Variants in FMN2 observed in about 807,000 individuals in gnomAD.
FMN2 encodes the protein formin 2, also known as formin-2.
In FMN2, 51 loss-of-function variants were observed where a neutral mutation model predicts 142.3. That is an observed-to-expected ratio of 0.36 (90% CI 0.29 to 0.45). The LOEUF (loss-of-function observed/expected upper bound fraction) is 0.45. Among genes scored for constraint, FMN2 ranks in the 20% least tolerant of loss-of-function variants. The probability of loss-of-function intolerance (pLI) is 1.00; values close to 1 mark genes in which losing one functional copy is unlikely to be tolerated. For synonymous variants in FMN2, 882 were observed against 869.8 expected, an observed-to-expected ratio of 1.01 and a Z score of -0.25; for missense variants, 1,936 against 2,122.8, an observed-to-expected ratio of 0.91 and a Z score of 1.73.
At chr1:240,365,337 G>A (rs1329288089) in intron 14 of FMN2, among the ~76,000 whole-genome samples, 2 of 151,534 alleles carry the variant, frequency 1.3e-5, no homozygotes, top group African/African-American at 2.4e-5. Flanking sequence ...ACACACATTT[G>A]TATTTATATA....
intron 6 of FMN2, among the ~76,000 whole-genome samples, chr1:240,216,936 G>A (rs912163116): frequency 3.4e-5 from 5 of 147,710 alleles, no homozygotes; most frequent in African/African-American, 1.2e-4. Context: ...GCAACAGAGC[G>A]AGACTCCGTC....
chr1:240,231,791 T>C (rs1375066150), intron 6 of FMN2, among the ~76,000 whole-genome samples: 1 of 152,230 alleles, frequency 6.6e-6, no homozygotes, highest in East Asian at 1.9e-4. Flanking sequence ...ATAAATGTCT[T>C]CAAGCACTAG....
intron 8 of FMN2, among the ~76,000 whole-genome samples, chr1:240,303,947 C>T (rs1256613043): frequency 6.6e-6 from 1 of 152,006 alleles, no homozygotes; most frequent in Non-Finnish European, 1.5e-5. Flanking sequence ...TCTTTAAATT[C>T]TCTTTGTGCA....
At chr1:240,260,636 G>A (rs769180047) in intron 7 of FMN2, among the ~76,000 whole-genome samples, 9 of 152,128 alleles carry the variant, frequency 5.9e-5, no homozygotes, top group Non-Finnish European at 1.0e-4. Context: ...TGTGTTCCTT[G>A]TAGATTCTGG....
At chr1:240,441,608 CTT>C (rs371621331) in intron 16 of FMN2, among the ~76,000 whole-genome samples, 49 of 125,058 alleles carry the variant, frequency 3.9e-4, no homozygotes, top group East Asian at 1.1e-3. Flanking sequence ...GCATATTGGT[CTT>C]TTTTTTTTTT....
chr1:240,423,607 C>G (rs1055417978), intron 15 of FMN2, among the ~76,000 whole-genome samples: 1 of 151,982 alleles, frequency 6.6e-6, no homozygotes, highest in Non-Finnish European at 1.5e-5. Context: ...TGCTGTACTC[C>G]CAAAGGACAA....
chr1:240,170,425 G>T (rs1290496776), intron 2 of FMN2: 2 of 1,268,826 alleles, frequency 1.6e-6, no homozygotes, highest in Admixed American at 1.7e-5. Flanking sequence ...GCTGAAGGCG[G>T]GTGATAACTG....
intron 6 of FMN2, among the ~76,000 whole-genome samples, chr1:240,249,475 A>G (rs1668203272): frequency 6.6e-6 from 1 of 152,008 alleles, no homozygotes; most frequent in South Asian, 2.1e-4. Flanking sequence ...TTTTATATCA[A>G]TACCATACAG....
chr1:240,236,860 T>C (rs1480847401), intron 6 of FMN2, among the ~76,000 whole-genome samples: 1 of 152,164 alleles, frequency 6.6e-6, no homozygotes, highest in African/African-American at 2.4e-5. Context: ...GGGACAAACA[T>C]CCAAACTATA....
At chr1:240,358,981 C>T (rs956113210) in intron 14 of FMN2, among the ~76,000 whole-genome samples, 17 of 151,946 alleles carry the variant, frequency 1.1e-4, no homozygotes, top group Admixed American at 5.9e-4. Flanking sequence ...AAAAGTTAGC[C>T]GGGTGTGGTG....
At chr1:240,426,700 A>G (rs934366283) in intron 15 of FMN2, among the ~76,000 whole-genome samples, 3 of 152,014 alleles carry the variant, frequency 2.0e-5, no homozygotes, top group Non-Finnish European at 2.9e-5. Flanking sequence ...TCATCCATAT[A>G]TATTTTAGTA....
At chr1:240,325,960 C>T (rs542769642) in intron 8 of FMN2, among the ~76,000 whole-genome samples, 2 of 152,286 alleles carry the variant, frequency 1.3e-5, no homozygotes, top group African/African-American at 4.8e-5. Flanking sequence ...CTTTAAACAT[C>T]AAACAATGTT....
chr1:240,318,967 GATTTTGAAAT>G (rs1269302919), intron 8 of FMN2, among the ~76,000 whole-genome samples: 2 of 152,160 alleles, frequency 1.3e-5, no homozygotes, highest in African/African-American at 4.8e-5. Context: ...AACCTGACTT[GATTTTGAAAT>G]ATGTTTCATC....
intron 16 of FMN2, among the ~76,000 whole-genome samples, chr1:240,452,818 C>A (rs1676106431): frequency 1.3e-5 from 2 of 152,172 alleles, no homozygotes; most frequent in Non-Finnish European, 2.9e-5. Flanking sequence ...TTAATACATT[C>A]TTAAATTCAT....
intron 7 of FMN2, among the ~76,000 whole-genome samples, chr1:240,264,885 T>C (rs183434908): frequency 3.3e-5 from 5 of 152,262 alleles, no homozygotes; most frequent in Admixed American, 3.3e-4. Flanking sequence ...CTGATATTAT[T>C]GGTGATAGTT....
At chr1:240,289,452 G>T (rs1322252456) in intron 7 of FMN2, among the ~76,000 whole-genome samples, 1 of 152,118 alleles carries the variant, frequency 6.6e-6, no homozygotes, top group Non-Finnish European at 1.5e-5. Context: ...AGGATCACTT[G>T]AGGCCAGGAG....
chr1:240,388,310 A>T (rs967644943), intron 14 of FMN2, among the ~76,000 whole-genome samples: 1 of 151,076 alleles, frequency 6.6e-6, no homozygotes, highest in Non-Finnish European at 1.5e-5. Flanking sequence ...GATGAATAAA[A>T]GTTATTACAT....
chr1:240,330,711 T>C lies in FMN2; in HGVS notation c.4546T>C (p.Leu1516=). The C allele has an allele frequency of 6.2e-7, 1 of 1,614,008 alleles. No individual in the cohort carries two copies. Among genetic ancestry groups the C allele is most frequent in the Non-Finnish European group, 8.5e-7 (1 of 1,179,932 alleles). The change falls in exon 11 of 18, where the codon TTA becomes CTA. Residue 1516 remains leucine, a synonymous_variant. Coordinates refer to ENST00000319653, the MANE Select transcript of FMN2 (RefSeq NM_020066.5). ...KTRGQADGFG[L]DILPKLKDVK... is the part of the protein sequence containing the mutation. ...TCGAGGACAGGCAGATGGCTTTGGA[T>C]TAGACATTCTTCCAAAACTGAAAGA...
chr1:240,167,848 G>A lies in FMN2; in HGVS notation c.1783-10073G>A, dbSNP rs530401506. Among the ~76,000 whole-genome samples the A allele has an allele frequency of 8.5e-5, 13 of 152,184 alleles. No homozygotes were observed. In the East Asian group the frequency reaches 2.3e-3, roughly 27 times the overall value. On this transcript the variant is annotated intron_variant, in intron 2 of 17. Transcript: ENST00000319653. The stretch of plus-strand genomic sequence containing the variant: ...TCCCAGCACTTTGGGAGGCCGAGGC[G>A]AGTGGATCGCTTGAGGTCAGGAGTT...
Sources: allele counts gnomAD v4.1 joint callset (sites outside exome capture counted in the v4.1 genomes callset), GRCh38; gene constraint gnomAD v4.1.1; transcripts MANE v1.5; gene names NCBI Gene and HGNC (gene_info 2026-07-23, HGNC 2026-07-21).